The following DIP2C variants were observed in gnomAD, a reference collection of about 807,000 sequenced individuals.
DIP2C encodes disco-interacting protein 2 homolog C.
Under a neutral mutation model 192.4 loss-of-function variants are expected in DIP2C, and 33 were observed. The observed-to-expected ratio is 0.17, with a 90% confidence interval of 0.13 to 0.23. DIP2C has a LOEUF of 0.23. Ranked by LOEUF, DIP2C falls within the 10% of genes least tolerant of loss-of-function variation. The pLI, the probability that DIP2C is intolerant of heterozygous loss-of-function variation, is 1.00. For missense variants in DIP2C, 1,537 were observed against 2,110.1 expected, an observed-to-expected ratio of 0.73 and a Z score of 5.32; for synonymous variants, 979 against 864.1, an observed-to-expected ratio of 1.13 and a Z score of -2.33.
chr10:578,356 G>A (rs61831057), intron 1 of DIP2C, among the ~76,000 whole-genome samples: 5,220 of 152,250 alleles, frequency 0.034, 172 homozygotes, highest in African/African-American at 0.085. Context: ...GATGAGTGGC[G>A]ACTTCTCATT....
intron 1 of DIP2C, among the ~76,000 whole-genome samples, chr10:655,277 T>C (rs1856209858): frequency 6.6e-6 from 1 of 152,240 alleles, no homozygotes; most frequent in Non-Finnish European, 1.5e-5. Flanking sequence ...TAAATTCTAC[T>C]GCACTCAGTC....
rs545124855 is a variant in DIP2C, at chr10:666,236, G to C, written c.85+23258C>G. On this transcript the variant is annotated intron_variant, in intron 1 of 36. Coordinates refer to ENST00000280886, the MANE Select transcript of DIP2C (RefSeq NM_014974.3). This position sits in a 1 kb window ranked among gnomAD's most constrained non-coding sequence, Gnocchi z 4.1. The stretch of plus-strand genomic sequence containing the variant: ...CCTTCAGCACCTACCGGGAAAGCGA[G>C]AAGAAAGCAAAGGGCATCACTCCCT... The C allele has an allele frequency of 3.3e-5, 5 of 152,342 alleles. No homozygotes were observed. In the South Asian group the frequency reaches 1.0e-3, roughly 32 times the overall value. The allele number at this position is 152,342 out of a possible 1,614,324, so 9.4% of individuals were successfully genotyped here. A position where few individuals can be genotyped will look rare whatever the true frequency, so the allele number is the denominator to read the frequency against.
At chr10:375,620 C>T (rs1433468373) in intron 17 of DIP2C, among the ~76,000 whole-genome samples, 1 of 152,156 alleles carries the variant, frequency 6.6e-6, no homozygotes, top group Non-Finnish European at 1.5e-5. Flanking sequence ...ATTCCATAAG[C>T]CTTGCCCGCA....
At chr10:409,138 C>T in intron 8 of DIP2C, 121 bp from the exon 9 acceptor site, 1 of 908,428 alleles carries the variant, frequency 1.1e-6, no homozygotes, top group Non-Finnish European at 1.6e-6. Context: ...CTGCAAGCGA[C>T]TTGAAGTGGG....
At chr10:514,819 T>C (rs76921834) in intron 1 of DIP2C, among the ~76,000 whole-genome samples, 1 of 152,162 alleles carries the variant, frequency 6.6e-6, no homozygotes, top group South Asian at 2.1e-4. Context: ...GGAGTCTCAA[T>C]ATCAGAATGT....
At chr10:610,876 C>G (rs113238354) in intron 1 of DIP2C, among the ~76,000 whole-genome samples, 2 of 137,870 alleles carry the variant, frequency 1.5e-5, no homozygotes, top group South Asian at 2.4e-4. Context: ...GGTTTCTAAC[C>G]CCCCAGTGTT....
intron 32 of DIP2C, among the ~76,000 whole-genome samples, chr10:307,685 AC>A (rs1220747032): frequency 6.6e-6 from 1 of 152,182 alleles, no homozygotes; most frequent in African/African-American, 2.4e-5. Context: ...GGAGAAAAAA[AC>A]AGAAAGGAAT....
At chr10:408,446 G>A (rs1382675525) in intron 9 of DIP2C, among the ~76,000 whole-genome samples, 4 of 152,142 alleles carry the variant, frequency 2.6e-5, no homozygotes, top group Non-Finnish European at 4.4e-5. Flanking sequence ...CCCAGGCCAC[G>A]GTCTCCTGGA....
At chr10:499,136 G>A (rs541156570) in intron 1 of DIP2C, among the ~76,000 whole-genome samples, 24 of 152,256 alleles carry the variant, frequency 1.6e-4, no homozygotes, top group African/African-American at 5.5e-4. Flanking sequence ...TGAACCCCAC[G>A]ATGGTCACAC....
chr10:598,848 C>G (rs1273401717), intron 1 of DIP2C, among the ~76,000 whole-genome samples: 2 of 152,240 alleles, frequency 1.3e-5, no homozygotes, highest in African/African-American at 4.8e-5. Context: ...CTTTGTAACT[C>G]TGCATCAATT....
In DIP2C at chr10:652,038, G is replaced by A. The variant is rs1009269915; in HGVS notation, c.85+37456C>T. On this transcript the variant is annotated intron_variant, in intron 1 of 36. Coordinates refer to ENST00000280886, the MANE Select transcript of DIP2C (RefSeq NM_014974.3). The surrounding 1 kb of genome is among the most constrained non-coding windows in gnomAD (Gnocchi z 4.5). ...ACACTGTATTTTCTCCCTGAGTTTG[G>A]TTGAAAAAATTCACATATAAGTTGA... The A allele has an allele frequency of 1.3e-5, 2 of 158,478 alleles. No homozygotes were observed. The highest frequency in any genetic ancestry group is 4.8e-5 in the African/African-American group (2 of 41,466). 9.8% of individuals were successfully genotyped at this position (158,478 alleles called of 1,614,324 possible). A position where few individuals can be genotyped will look rare whatever the true frequency, so the allele number is the denominator to read the frequency against.
At chr10:282,130 A>C (rs17158845) in intron 35 of DIP2C, 4 of 155,742 alleles carry the variant, frequency 2.6e-5, no homozygotes, top group African/African-American at 9.6e-5. Context: ...GTAGACAGAG[A>C]TAAGTATTTT....
At chr10:407,016 C>A (rs1200103804) in intron 9 of DIP2C, among the ~76,000 whole-genome samples, 2 of 152,120 alleles carry the variant, frequency 1.3e-5, no homozygotes, top group Non-Finnish European at 2.9e-5. Flanking sequence ...TTCCCAAGCC[C>A]TCACCCGCCA....
chr10:336,982 GTGTGTGTGTGTTGTGGAGGCCTAGGCAGC>G (rs1173355374), intron 29 of DIP2C, among the ~76,000 whole-genome samples: 3 of 132,446 alleles, frequency 2.3e-5, no homozygotes, highest in East Asian at 2.3e-4. Context: ...AGGCAGCTGT[GTGTGTGTGTGTTGTGGAGGCCTAGGCAGC>G]TGTGTGTGTG....
rs1359039205 is a variant in DIP2C at position 652,866 on chromosome 10, C to T, written c.85+36628G>A. On this transcript the variant is annotated intron_variant, in intron 1 of 36. Transcript: ENST00000280886. The surrounding 1 kb of genome is among the most constrained non-coding windows in gnomAD (Gnocchi z 4.5). ...ATTTCTTGACTTTCTTGGGCATTTT[C>T]CACACCAGGACAGATGGACCCTGCT... Among the ~76,000 whole-genome samples the T allele has an allele frequency of 1.3e-5, 2 of 151,610 alleles. No individual in the cohort carries two copies. Among genetic ancestry groups the T allele is most frequent in the Non-Finnish European group, 2.9e-5 (2 of 67,924 alleles).
chr10:413,977 C>A lies in DIP2C; in HGVS notation c.993G>T (p.Ser331=), dbSNP rs750534312. The A allele has an allele frequency of 1.2e-6, 2 of 1,614,202 alleles. No homozygotes were observed. Among genetic ancestry groups the A allele is most frequent in the South Asian group, 1.1e-5 (1 of 91,088 alleles). Residue 331 remains serine (S), a synonymous_variant, in exon 8 of 37, where the codon TCG becomes TCT. Transcript: ENST00000280886. ...EAALQRWGTI[S]PKAPCLTTMD... ...TGGTGGTCAGGCAGGGCGCCTTGGG[C>A]GAGATGGTGCCCCACCTCTGCAGTG... is the stretch of plus-strand genomic sequence containing the variant.
chr10:583,065 G>A (rs974052596), intron 1 of DIP2C, among the ~76,000 whole-genome samples: 2 of 152,042 alleles, frequency 1.3e-5, no homozygotes, highest in Non-Finnish European at 2.9e-5. Flanking sequence ...TTACCTTTTG[G>A]GCATCTTCTA....
At chr10:303,750 C>T (rs1444908092) in intron 32 of DIP2C, among the ~76,000 whole-genome samples, 3 of 152,118 alleles carry the variant, frequency 2.0e-5, no homozygotes, top group Admixed American at 1.3e-4. Context: ...CTCGAACTCC[C>T]GACCTCAGGT....
intron 29 of DIP2C, chr10:340,720 G>A (rs898137819): frequency 1.3e-5 from 6 of 456,176 alleles, no homozygotes; most frequent in African/African-American, 8.0e-5. Flanking sequence ...GCCAGGCTCC[G>A]AGCCGGCTGC....
Sources: gnomAD v4.1 joint callset for allele counts (sites outside exome capture counted in the v4.1 genomes callset) on GRCh38, gnomAD v4.1.1 for gene constraint, Gnocchi (gnomAD v3.1) non-coding constraint, MANE v1.5 for transcripts, NCBI Gene and HGNC (gene_info 2026-07-23, HGNC 2026-07-21) for gene names.